PCDH11Y: variants seen among roughly 807,000 people sequenced by gnomAD.
PCDH11Y encodes protocadherin 11 Y-linked.
For missense variants in PCDH11Y, 12 were observed against 224.8 expected, an observed-to-expected ratio of 0.05 and a Z score of 6.05; for synonymous variants, 9 against 83.6, an observed-to-expected ratio of 0.11 and a Z score of 4.87.
At chrY:5,498,321 G>A in intron 2 of PCDH11Y, among the ~76,000 whole-genome samples, 2 of 34,044 alleles carry the variant, frequency 5.9e-5, no homozygotes, top group Admixed American at 5.4e-4. Flanking sequence ...AGGACAGCTT[G>A]GAGGTTAAGA....
intron 4 of PCDH11Y, among the ~76,000 whole-genome samples, chrY:5,701,655 A>G (rs2124712017): frequency 3.0e-5 from 1 of 33,656 alleles, no homozygotes; most frequent in African/African-American, 1.2e-4. Flanking sequence ...AACTTCTGCT[A>G]GAGCAGTGCA....
At chrY:5,412,649 T>G in intron 2 of PCDH11Y, among the ~76,000 whole-genome samples, 1 of 33,080 alleles carries the variant, frequency 3.0e-5, no homozygotes, top group Non-Finnish European at 7.4e-5. Flanking sequence ...AAGGGAAGTT[T>G]AATTTTATCA....
chrY:5,239,605 C>CA lies in PCDH11Y; in HGVS notation c.3129+138905dup, dbSNP rs2052986158. On this transcript the variant is annotated intron_variant, in intron 2 of 4. Transcript: ENST00000400457. ...TAAATAAATAAAACATTTCATGCTG[C>CA]AAAAAAAGATAAAATAAAACAAAAT... Among the ~76,000 whole-genome samples the CA allele has an allele frequency of 1.8e-4, 6 of 32,808 alleles. No homozygotes were observed. In the East Asian group the frequency reaches 4.7e-3, roughly 26 times the overall value. 88.0% of individuals were successfully genotyped at this position (32,808 alleles called of 37,273 possible). A position where few individuals can be genotyped will look rare whatever the true frequency, so the allele number is the denominator to read the frequency against.
chrY:5,385,291 C>A (rs2759802), intron 2 of PCDH11Y, among the ~76,000 whole-genome samples: 32 of 29,927 alleles, frequency 1.1e-3, no homozygotes, highest in Non-Finnish European at 1.4e-3. Context: ...TTTATTTCTC[C>A]CTCCCTTCCC....
At chrY:5,555,067 AG>A (rs2053422338) in intron 3 of PCDH11Y, among the ~76,000 whole-genome samples, 1 of 31,761 alleles carries the variant, frequency 3.1e-5, no homozygotes. Context: ...GCCAAGTCAC[AG>A]GGGCAGAGCT....
chrY:5,201,109 C>G, intron 2 of PCDH11Y, among the ~76,000 whole-genome samples: 1 of 33,440 alleles, frequency 3.0e-5, no homozygotes, highest in East Asian at 8.1e-4. Context: ...TCTTGCACAG[C>G]AAATGGCTAG....
chrY:5,425,353 T>C (rs2053262272), intron 2 of PCDH11Y, among the ~76,000 whole-genome samples: 1 of 33,441 alleles, frequency 3.0e-5, no homozygotes, highest in African/African-American at 1.2e-4. Context: ...ATCTAATTTC[T>C]ATTAGATGAG....
At chrY:5,656,928 A>T in intron 4 of PCDH11Y, among the ~76,000 whole-genome samples, 1 of 33,436 alleles carries the variant, frequency 3.0e-5, no homozygotes, top group Admixed American at 2.7e-4. Flanking sequence ...AATCAGAAAC[A>T]AATCCACATA....
At position 5,600,337 on chromosome Y, in the gene PCDH11Y, C is replaced by T. The variant is rs2053471734; in HGVS notation, c.3352+18539C>T. On this transcript the variant is annotated intron_variant, in intron 4 of 4. Coordinates refer to the PCDH11Y transcript ENST00000400457. ...TGTATTTTTAGTAGGATGGGGGTTT[C>T]ACCATGTTGGCCAGGCTGAACTCTG... Among the ~76,000 whole-genome samples the T allele has an allele frequency of 2.1e-4, 6 of 28,989 alleles. No individual in the cohort carries two copies. In the South Asian group the frequency reaches 4.8e-3, roughly 23 times the overall value. The allele number at this position is 28,989 out of a possible 37,273, so 77.8% of individuals were successfully genotyped here. A position where few individuals can be genotyped will look rare whatever the true frequency, so the allele number is the denominator to read the frequency against.
intron 1 of PCDH11Y, among the ~76,000 whole-genome samples, chrY:5,021,424 A>C: frequency 3.0e-5 from 1 of 33,614 alleles, no homozygotes; most frequent in Non-Finnish European, 7.4e-5. Context: ...CGTACTCGGG[A>C]GGCTGAGGCA....
chrY:5,142,472 G>T (rs2052852476), intron 2 of PCDH11Y, among the ~76,000 whole-genome samples: 1 of 32,589 alleles, frequency 3.1e-5, no homozygotes, highest in Non-Finnish European at 7.5e-5. Flanking sequence ...AGTCTAGCTA[G>T]GATGTCACCC....
chrY:5,330,283 T>C (rs2053129446), intron 2 of PCDH11Y, among the ~76,000 whole-genome samples: 1 of 32,718 alleles, frequency 3.1e-5, no homozygotes. Context: ...CATTTACACT[T>C]CTTTTGTGGT....
At chrY:5,362,140 T>G in intron 2 of PCDH11Y, among the ~76,000 whole-genome samples, 3 of 33,233 alleles carry the variant, frequency 9.0e-5, no homozygotes, top group Non-Finnish European at 1.5e-4. Flanking sequence ...AATTGACCCA[T>G]TTAAAGTGCA....
chrY:5,241,809 G>A (rs2052988562), intron 2 of PCDH11Y, among the ~76,000 whole-genome samples: 1 of 32,734 alleles, frequency 3.1e-5, no homozygotes. Flanking sequence ...CTGAAGTGAC[G>A]GATACTCCAT....
intron 2 of PCDH11Y, among the ~76,000 whole-genome samples, chrY:5,230,001 CAA>C (rs2052966229): frequency 3.0e-5 from 1 of 33,035 alleles, no homozygotes; most frequent in African/African-American, 1.2e-4. Flanking sequence ...GTATAACAAA[CAA>C]AAAGAAAGAA....
rs2053583398 is a variant in PCDH11Y at position 5,706,976 on chromosome Y, G to T, written c.3353-30296G>T. 1.2e-4 allele frequency among the ~76,000 whole-genome samples: 4 copies of T among 32,851 alleles called. No individual in the cohort carries two copies. The East Asian group carries it at 3.2e-3, about 26-fold the overall frequency. The allele number at this position is 32,851 out of a possible 37,273, so 88.1% of individuals were successfully genotyped here. A position where few individuals can be genotyped will look rare whatever the true frequency, so the allele number is the denominator to read the frequency against. The stretch of plus-strand genomic sequence containing the variant: ...TGATAAAATGATCAACTATATGACT[G>T]CATCACAATTTTCCTAGGGAAGCAT... On this transcript the variant is annotated intron_variant, in intron 4 of 4. Transcript: ENST00000400457.
chrY:5,018,809 A>T, intron 1 of PCDH11Y, among the ~76,000 whole-genome samples: 1 of 32,793 alleles, frequency 3.0e-5, no homozygotes, highest in Admixed American at 2.8e-4. Flanking sequence ...GAATATTATG[A>T]GTCAAAGATA....
At chrY:5,395,036 C>T in intron 2 of PCDH11Y, among the ~76,000 whole-genome samples, 1 of 32,638 alleles carries the variant, frequency 3.1e-5, no homozygotes, top group Admixed American at 2.9e-4. Flanking sequence ...CAGTCTTGTG[C>T]GGTGTACAAA....
At chrY:5,108,157 G>C (rs2124638306), downstream of PCDH11Y, among the ~76,000 whole-genome samples, 1 of 31,543 alleles carries the variant, frequency 3.2e-5, no homozygotes, top group East Asian at 8.4e-4. Flanking sequence ...CTTACCTGAT[G>C]AGCTACAGTG....
Sources: allele counts gnomAD v4.1 joint callset (sites outside exome capture counted in the v4.1 genomes callset), GRCh38; gene constraint gnomAD v4.1.1; transcripts MANE v1.5; gene names NCBI Gene and HGNC (gene_info 2026-07-23, HGNC 2026-07-21).